PRDM16: variants seen among roughly 807,000 people sequenced by gnomAD.
PRDM16 encodes the protein PR/SET domain 16.
PRDM16 carries 23 observed loss-of-function variants against 110.6 expected under a neutral mutation model. The ratio of observed to expected loss-of-function variants is 0.21; its 90% CI spans 0.15 to 0.29. PRDM16 has a LOEUF of 0.29. PRDM16 is among the 10% of genes least tolerant of loss of function. PRDM16 has a pLI of 1.00. For missense variants in PRDM16, 1,615 were observed against 1,794.3 expected, an observed-to-expected ratio of 0.90 and a Z score of 1.81; for synonymous variants, 799 against 781.8, an observed-to-expected ratio of 1.02 and a Z score of -0.37.
At chr1:3,360,597 G>A (rs768460187) in intron 3 of PRDM16, among the ~76,000 whole-genome samples, 27 of 152,116 alleles carry the variant, frequency 1.8e-4, no homozygotes, top group Non-Finnish European at 2.8e-4. Flanking sequence ...AGAGACCCCC[G>A]CTCACAGCAG....
In PRDM16 at chr1:3,107,606, G is replaced by A. The variant is rs1276052590; in HGVS notation, c.37+38310G>A. ...TCTCAGCCCATTTCTCTGATGGCGGGTGTTTGTGGTAAACCCCGTGAAGGT... is the reference window on the plus strand; with the variant it reads ...TCTCAGCCCATTTCTCTGATGGCGGATGTTTGTGGTAAACCCCGTGAAGGT... On this transcript the variant is annotated intron_variant, in intron 1 of 16. Transcript: ENST00000270722. 3.3e-5 allele frequency among the ~76,000 whole-genome samples: 5 copies of A among 152,370 alleles called. No individual in the cohort carries two copies. In the East Asian group the frequency reaches 5.8e-4, roughly 18 times the overall value.
At chr1:3,139,821 GGGTAGCAGTA>G (rs1361211600) in intron 1 of PRDM16, among the ~76,000 whole-genome samples, 1 of 152,216 alleles carries the variant, frequency 6.6e-6, no homozygotes, top group Non-Finnish European at 1.5e-5. Flanking sequence ...GGTTTGGTGG[GGGTAGCAGTA>G]GGTGAAAGAC....
At chr1:3,426,502 A>C (rs888301667) in intron 14 of PRDM16, among the ~76,000 whole-genome samples, 3 of 152,156 alleles carry the variant, frequency 2.0e-5, no homozygotes, top group Non-Finnish European at 2.9e-5. Context: ...AACACTAGCC[A>C]GGTGACCGAG....
rs546418301 is a variant in PRDM16 at position 3,344,876 on chromosome 1, A to G, written c.439-40276A>G. 6.6e-4 allele frequency among the ~76,000 whole-genome samples: 101 copies of G among 152,346 alleles called. 1 individual carries two copies. Among genetic ancestry groups the G allele is most frequent in the Non-Finnish European group, 1.1e-3 (76 of 68,032 alleles). ...CTAAGTTGATGGGACTCAAATTCCAAAGCCCTGCTGTGGTAAGCAGCAAGT... is the reference window on the plus strand; with the variant it reads ...CTAAGTTGATGGGACTCAAATTCCAGAGCCCTGCTGTGGTAAGCAGCAAGT... On this transcript the variant is annotated intron_variant, in intron 3 of 16. Transcript: ENST00000270722.
At chr1:3,254,544 T>C (rs1640005439) in intron 3 of PRDM16, among the ~76,000 whole-genome samples, 3 of 152,056 alleles carry the variant, frequency 2.0e-5, no homozygotes, top group African/African-American at 4.8e-5. Flanking sequence ...CATGAGTGAA[T>C]TCCCATTCAC....
intron 3 of PRDM16, among the ~76,000 whole-genome samples, chr1:3,305,722 G>A (rs990004761): frequency 2.0e-5 from 3 of 152,352 alleles, no homozygotes; most frequent in Admixed American, 6.5e-5. Context: ...GCCCAGCTCC[G>A]CGACTTTTGC....
chr1:3,404,908 T>C (rs1297275398), intron 7 of PRDM16, 22 bp downstream of exon 7: 1 of 1,609,550 alleles, frequency 6.2e-7, no homozygotes, highest in African/African-American at 1.3e-5. Flanking sequence ...GGCGGCCCCG[T>C]CTCAGCCCCG....
In PRDM16 at chr1:3,417,767, G is replaced by A. The variant is rs553871612; in HGVS notation, c.2692-61G>A. 3.8e-5 allele frequency: 55 copies of A among 1,440,962 alleles called. 1 individual carries two copies. Among genetic ancestry groups the A allele is most frequent in the South Asian group, 2.6e-4 (23 of 87,190 alleles). The allele number at this position is 1,440,962 out of a possible 1,614,324, so 89.3% of individuals were successfully genotyped here. A position where few individuals can be genotyped will look rare whatever the true frequency, so the allele number is the denominator to read the frequency against. ...TGTTGTACAGAACCCCCAGCAGTGC[G>A]TGCCCCTGAAGACAGGTGAGAGTCA... On this transcript the variant is annotated intron_variant, in intron 10 of 16. Transcript: ENST00000270722.
intron 1 of PRDM16, among the ~76,000 whole-genome samples, chr1:3,162,523 C>CACGAAGGTCGTCATT (rs1553136684): frequency 6.6e-6 from 1 of 152,062 alleles, no homozygotes; most frequent in African/African-American, 2.4e-5. Context: ...GTCGCAGGCC[C>CACGAAGGTCGTCATT]ACGAAGGTCG....
intron 9 of PRDM16, among the ~76,000 whole-genome samples, chr1:3,413,011 C>T (rs569763714): frequency 2.7e-4 from 41 of 152,112 alleles, no homozygotes; most frequent in Non-Finnish European, 5.3e-4. Context: ...GTGCCTGGCC[C>T]GGGCCGTGTT....
At chr1:3,394,223 G>T (rs1479494865) in intron 4 of PRDM16, among the ~76,000 whole-genome samples, 1 of 152,106 alleles carries the variant, frequency 6.6e-6, no homozygotes, top group African/African-American at 2.4e-5. Flanking sequence ...ATCTGGCTCG[G>T]TGTGTAGAGA....
Position 3,356,628 on chromosome 1 carries a change from T to A in PRDM16, c.439-28524T>A, listed in dbSNP as rs1170153669. The stretch of plus-strand genomic sequence containing the variant: ...TCTGGACGCTGTTCTAAGGAGCGCT[T>A]CACATAGATGATCTTAGCCTGCCCC... On this transcript the variant is annotated intron_variant, in intron 3 of 16. Coordinates refer to ENST00000270722, the MANE Select transcript of PRDM16 (RefSeq NM_022114.4). Among the ~76,000 whole-genome samples the A allele has an allele frequency of 2.0e-5, 3 of 152,172 alleles. No homozygotes were observed. In the East Asian group the frequency reaches 5.8e-4, roughly 29 times the overall value.
At position 3,425,865 on chromosome 1, in the gene PRDM16, C is replaced by A. The variant is rs547401010; in HGVS notation, c.3109+115C>A. Reference sequence around the variant, plus strand: ...GGGCAGGGAAGAGGGCCACAGACTACCCCTCAGGAAGCCAACAGGCACCCC... The same window carrying A: ...GGGCAGGGAAGAGGGCCACAGACTAACCCTCAGGAAGCCAACAGGCACCCC... On this transcript the variant is annotated intron_variant, in intron 13 of 16. Transcript: ENST00000270722. The surrounding 1 kb of genome is among the most constrained non-coding windows in gnomAD (Gnocchi z 6.9). 1.5e-6 allele frequency: 2 copies of A among 1,367,844 alleles called. No homozygotes were observed. Among genetic ancestry groups the A allele is most frequent in the South Asian group, 2.7e-5 (2 of 75,136 alleles). The allele number at this position is 1,367,844 out of a possible 1,614,324, so 84.7% of individuals were successfully genotyped here.
At chr1:3,165,747 A>C (rs1424210766) in intron 1 of PRDM16, among the ~76,000 whole-genome samples, 1 of 70,694 alleles carries the variant, frequency 1.4e-5, no homozygotes, top group Non-Finnish European at 2.4e-5. Flanking sequence ...AGGGACAGTG[A>C]CTCACCTGGG....
At chr1:3,226,362 G>A (rs778354656) in intron 2 of PRDM16, among the ~76,000 whole-genome samples, 1 of 152,168 alleles carries the variant, frequency 6.6e-6, no homozygotes, top group African/African-American at 2.4e-5. Context: ...TCCTGAATTC[G>A]GGTGTGCGGT....
intron 1 of PRDM16, among the ~76,000 whole-genome samples, chr1:3,114,199 GCACGCACACA>G (rs1642872276): frequency 9.1e-6 from 1 of 110,352 alleles, no homozygotes; most frequent in African/African-American, 3.7e-5. Context: ...ACACGCACAC[GCACGCACACA>G]CGCACACGAA....
chr1:3,268,807 C>T (rs1569960558), intron 3 of PRDM16, among the ~76,000 whole-genome samples: 2 of 152,348 alleles, frequency 1.3e-5, no homozygotes, highest in East Asian at 3.9e-4. Context: ...AGCCGTGAGC[C>T]ATGACCCAGT....
Position 3,411,441 on chromosome 1 carries a change from T to A in PRDM16, c.1244T>A (p.Met415Lys), listed in dbSNP as rs1448923535. 6.2e-7 allele frequency: 1 copy of A among 1,614,170 alleles called. No homozygotes were observed. ...QFSNLCRHKRMHADCRTQIKC... is the reference protein window; with the variant it reads ...QFSNLCRHKRKHADCRTQIKC... Reference sequence around the variant, plus strand: ...TCCAACCTGTGCCGGCACAAGCGGATGCACGCCGACTGCCGCACGCAGATC... The same window carrying A: ...TCCAACCTGTGCCGGCACAAGCGGAAGCACGCCGACTGCCGCACGCAGATC... The change falls in exon 9 of 17, where the codon ATG becomes AAG. Residue 415 changes from methionine (M) to lysine (K), a missense_variant. Transcript: ENST00000270722.
intron 8 of PRDM16, among the ~76,000 whole-genome samples, chr1:3,408,930 T>C (rs12065021): frequency 0.33 from 46,059 of 139,960 alleles, 8,009 homozygotes; most frequent in African/African-American, 0.52. Flanking sequence ...GTGCTTGTGT[T>C]GGCACGCATG....
Sources: allele counts gnomAD v4.1 joint callset (sites outside exome capture counted in the v4.1 genomes callset), GRCh38; gene constraint gnomAD v4.1.1; non-coding constraint Gnocchi (gnomAD v3.1); transcripts MANE v1.5; gene names NCBI Gene and HGNC (gene_info 2026-07-23, HGNC 2026-07-21).